Variants in PHF24 observed in about 807,000 individuals in gnomAD.
PHF24 encodes the protein Galpha inhibitory interacting protein.
In PHF24, 25 loss-of-function variants were observed where a neutral mutation model predicts 42.6. The observed-to-expected ratio is 0.59, with a 90% CI of 0.43 to 0.82. The LOEUF is 0.82. Ranked by LOEUF, PHF24 falls within the 40% of genes least tolerant of loss-of-function variation. The probability of loss-of-function intolerance (pLI) is 0.00; values close to 1 mark genes in which losing one functional copy is unlikely to be tolerated. For missense variants in PHF24, 470 were observed against 538.1 expected, an observed-to-expected ratio of 0.87 and a Z score of 1.25; for synonymous variants, 185 against 204.8, an observed-to-expected ratio of 0.90 and a Z score of 0.83.
chr9:34,688,405 G>T, the PHF24 span, among the ~76,000 whole-genome samples: 3 of 152,170 alleles, frequency 2.0e-5, no homozygotes, highest in Non-Finnish European at 4.4e-5. Flanking sequence ...CCTGTGGGAT[G>T]CTCCAAGAGT....
At chr9:34,751,693 C>A in the PHF24 span, among the ~76,000 whole-genome samples, 5 of 152,060 alleles carry the variant, frequency 3.3e-5, no homozygotes, top group Non-Finnish European at 7.4e-5. Context: ...CACTATAGAC[C>A]AAATGGACCT....
chr9:34,845,262 T>A, the PHF24 span, among the ~76,000 whole-genome samples: 1 of 151,302 alleles, frequency 6.6e-6, no homozygotes, highest in East Asian at 1.9e-4. Context: ...TGGGTCTTGT[T>A]TTTTTACTCC....
At chr9:34,796,033 A>T in the PHF24 span, among the ~76,000 whole-genome samples, 1 of 151,880 alleles carries the variant, frequency 6.6e-6, no homozygotes, top group Non-Finnish European at 1.5e-5. Context: ...AAAGAATGGA[A>T]CAAAAGAGAG....
the PHF24 span, among the ~76,000 whole-genome samples, chr9:34,804,029 G>A: frequency 6.6e-6 from 1 of 152,176 alleles, no homozygotes; most frequent in Non-Finnish European, 1.5e-5. Flanking sequence ...TATGTTCTTA[G>A]TCTCCCAGCT....
At chr9:34,835,871 G>C in the PHF24 span, 2 of 1,103,086 alleles carry the variant, frequency 1.8e-6, no homozygotes, top group African/African-American at 3.1e-5. Flanking sequence ...ACACTAGACA[G>C]AGACAAGATC....
the PHF24 span, chr9:34,836,951 C>T: frequency 2.7e-6 from 1 of 364,220 alleles, no homozygotes. Context: ...CCAGCCTCCA[C>T]TGTGTATGTC....
the PHF24 span, among the ~76,000 whole-genome samples, chr9:34,888,828 T>C: frequency 4.1e-4 from 63 of 152,258 alleles, no homozygotes; most frequent in African/African-American, 1.3e-3. Flanking sequence ...CATGGGACAA[T>C]AGAATTCAAG....
chr9:34,917,119 C>A, the PHF24 span: 1 of 818,372 alleles, frequency 1.2e-6, no homozygotes, highest in Non-Finnish European at 2.1e-6. Flanking sequence ...CCTCACCTCG[C>A]TCTCGCGGCC....
the PHF24 span, among the ~76,000 whole-genome samples, chr9:34,897,948 C>G: frequency 6.6e-6 from 1 of 152,184 alleles, no homozygotes; most frequent in Non-Finnish European, 1.5e-5. Context: ...TCCTGAGTTA[C>G]TTTGCTTAAA....
the PHF24 span, among the ~76,000 whole-genome samples, chr9:34,798,612 C>T: frequency 6.6e-6 from 1 of 152,186 alleles, no homozygotes; most frequent in Non-Finnish European, 1.5e-5. Context: ...ATCCACTCCA[C>T]CAGTGATGGG....
At chr9:34,694,002 A>T in the PHF24 span, among the ~76,000 whole-genome samples, 1 of 151,974 alleles carries the variant, frequency 6.6e-6, no homozygotes, top group Non-Finnish European at 1.5e-5. Context: ...AACATGGTGA[A>T]ACCCCATCTC....
At chr9:34,702,151 C>A in the PHF24 span, among the ~76,000 whole-genome samples, 1 of 152,114 alleles carries the variant, frequency 6.6e-6, no homozygotes, top group African/African-American at 2.4e-5. Flanking sequence ...CACAGGGAAA[C>A]GCGCAACCTT....
At chr9:34,876,624 A>G in the PHF24 span, among the ~76,000 whole-genome samples, 1 of 152,152 alleles carries the variant, frequency 6.6e-6, no homozygotes. Flanking sequence ...GCAAATCAAC[A>G]CCACAATTAT....
chr9:34,841,149 G>A, the PHF24 span, among the ~76,000 whole-genome samples: 6 of 152,002 alleles, frequency 3.9e-5, no homozygotes, highest in Admixed American at 2.0e-4. Flanking sequence ...ACAGGCGCCC[G>A]CCACCACACC....
intron 3 of PHF24, among the ~76,000 whole-genome samples, chr9:34,973,862 C>A (rs1324157082): frequency 6.6e-6 from 1 of 152,154 alleles, no homozygotes; most frequent in Non-Finnish European, 1.5e-5. Flanking sequence ...ACCTCCCTAA[C>A]CCCCAGGAAC....
At chr9:34,978,295 T>C (rs1827277526) in exon 8 of PHF24, 1 of 591,176 alleles carries the variant, frequency 1.7e-6, no homozygotes, top group African/African-American at 1.9e-5. Context: ...AGTGAATGCA[T>C]TGCCACAAGG....
the PHF24 span, among the ~76,000 whole-genome samples, chr9:34,735,231 G>A: frequency 6.8e-6 from 1 of 147,924 alleles, no homozygotes; most frequent in Non-Finnish European, 1.5e-5. Context: ...CGCCTCCTGG[G>A]TTCAAGCGAT....
the PHF24 span, among the ~76,000 whole-genome samples, chr9:34,813,867 G>A: frequency 8.2e-3 from 1,015 of 124,440 alleles, 8 homozygotes; most frequent in Middle Eastern, 0.047. Context: ...GATCATGAGG[G>A]GCCATGTTAG....
the PHF24 span, among the ~76,000 whole-genome samples, chr9:34,870,364 A>G: frequency 2.0e-5 from 3 of 152,084 alleles, no homozygotes; most frequent in Non-Finnish European, 4.4e-5. Flanking sequence ...CCTTGTTAGT[A>G]TCATGTAGAA....
Sources: gnomAD v4.1 joint callset for allele counts (sites outside exome capture counted in the v4.1 genomes callset) on GRCh38, gnomAD v4.1.1 for gene constraint, MANE v1.5 for transcripts, NCBI Gene and HGNC (gene_info 2026-07-23, HGNC 2026-07-21) for gene names.